The following KCNH7 variants were observed in gnomAD, a reference collection of about 807,000 sequenced individuals.
The protein encoded by KCNH7 is voltage-gated inwardly rectifying potassium channel KCNH7.
In KCNH7, 49 loss-of-function variants were observed where a neutral mutation model predicts 120.8. The ratio of observed to expected loss-of-function variants is 0.41; its 90% CI spans 0.32 to 0.51. The LOEUF is 0.51. Ranked by LOEUF, KCNH7 falls within the 20% of genes least tolerant of loss-of-function variation. KCNH7 has a pLI of 0.38. For synonymous variants in KCNH7, 547 were observed against 516.1 expected (o/e 1.06, Z -0.81); for missense variants, 1,097 against 1,446.6 (o/e 0.76, Z 3.92).
intron 2 of KCNH7, among the ~76,000 whole-genome samples, chr2:162,770,908 A>T (rs1683025517): frequency 6.6e-6 from 1 of 152,026 alleles, no homozygotes; most frequent in Non-Finnish European, 1.5e-5. Flanking sequence ...TCACTGTCAT[A>T]CTTTTGGTAA....
At chr2:162,462,320 A>G (rs1450697031) in intron 6 of KCNH7, among the ~76,000 whole-genome samples, 1 of 152,090 alleles carries the variant, frequency 6.6e-6, no homozygotes, top group African/African-American at 2.4e-5. Flanking sequence ...CTTGAACTCC[A>G]GAAGTTATTT....
intron 2 of KCNH7, among the ~76,000 whole-genome samples, chr2:162,636,035 C>G (rs1278590294): frequency 6.6e-6 from 1 of 152,048 alleles, no homozygotes; most frequent in Non-Finnish European, 1.5e-5. Context: ...ATTAGAGCTT[C>G]CTTTTTGACA....
At chr2:162,619,335 G>T (rs998604333) in intron 2 of KCNH7, among the ~76,000 whole-genome samples, 2 of 151,868 alleles carry the variant, frequency 1.3e-5, no homozygotes, top group African/African-American at 4.8e-5. Flanking sequence ...ATATTCAGTG[G>T]CCAGTCAGGG....
intron 2 of KCNH7, among the ~76,000 whole-genome samples, chr2:162,696,345 T>C (rs1285944521): frequency 6.6e-6 from 1 of 152,214 alleles, no homozygotes; most frequent in Non-Finnish European, 1.5e-5. Context: ...CTATTCTGCA[T>C]CTATTACTTG....
chr2:162,621,204 T>C (rs906120962), intron 2 of KCNH7, among the ~76,000 whole-genome samples: 3 of 135,810 alleles, frequency 2.2e-5, no homozygotes, highest in African/African-American at 9.4e-5. Context: ...TATTTTGTGA[T>C]TTTTTTTTGT....
chr2:162,638,526 T>A (rs1444266922), intron 2 of KCNH7, among the ~76,000 whole-genome samples: 1 of 152,060 alleles, frequency 6.6e-6, no homozygotes, highest in Non-Finnish European at 1.5e-5. Context: ...TCATTAACTC[T>A]GAACGGTTGA....
At chr2:162,497,113 C>T (rs1047740471) in intron 6 of KCNH7, 3 of 152,212 alleles carry the variant, frequency 2.0e-5, no homozygotes, top group Non-Finnish European at 4.4e-5. Context: ...ATTAAAATTT[C>T]TTCATTACAA....
intron 2 of KCNH7, among the ~76,000 whole-genome samples, chr2:162,678,174 C>G (rs1038584136): frequency 3.3e-5 from 5 of 151,270 alleles, no homozygotes; most frequent in African/African-American, 1.2e-4. Flanking sequence ...ATTTCTAGAT[C>G]ACATGATGGC....
At chr2:162,489,070 CATT>C (rs1216066906) in intron 6 of KCNH7, among the ~76,000 whole-genome samples, 8 of 152,036 alleles carry the variant, frequency 5.3e-5, no homozygotes, top group Admixed American at 5.2e-4. Context: ...GAATATATGT[CATT>C]ATGTGATTGT....
intron 6 of KCNH7, among the ~76,000 whole-genome samples, chr2:162,495,652 A>T (rs1690472336): frequency 6.6e-6 from 1 of 152,198 alleles, no homozygotes; most frequent in Non-Finnish European, 1.5e-5. Context: ...AAAACTTAAC[A>T]TACACTTGTG....
intron 2 of KCNH7, among the ~76,000 whole-genome samples, chr2:162,824,286 C>T (rs915755352): frequency 1.3e-5 from 2 of 152,088 alleles, no homozygotes; most frequent in Admixed American, 6.6e-5. Context: ...CACTAGGACA[C>T]CTTCTGCTTA....
chr2:162,590,813 A>T (rs1176985361), intron 2 of KCNH7, among the ~76,000 whole-genome samples: 1 of 151,954 alleles, frequency 6.6e-6, no homozygotes, highest in Non-Finnish European at 1.5e-5. Flanking sequence ...CTTTTAACCT[A>T]TTTCCACGCA....
At chr2:162,762,776 T>C (rs1689011366) in intron 2 of KCNH7, among the ~76,000 whole-genome samples, 1 of 152,050 alleles carries the variant, frequency 6.6e-6, no homozygotes, top group Admixed American at 6.6e-5. Flanking sequence ...CCTTATAAAA[T>C]TGTCATGAGA....
intron 2 of KCNH7, among the ~76,000 whole-genome samples, chr2:162,682,161 GAGCC>G (rs1023439461): frequency 2.0e-5 from 3 of 151,618 alleles, no homozygotes; most frequent in Admixed American, 6.6e-5. Context: ...CAGAATGGAA[GAGCC>G]AGACCTCCTT....
chr2:162,427,762 T>C (rs1687915335), intron 8 of KCNH7, among the ~76,000 whole-genome samples: 1 of 151,878 alleles, frequency 6.6e-6, no homozygotes, highest in African/African-American at 2.4e-5. Flanking sequence ...GTTTCAGTTT[T>C]GGTAATGTGT....
At chr2:162,756,437 A>G (rs945469889) in intron 2 of KCNH7, among the ~76,000 whole-genome samples, 2 of 151,990 alleles carry the variant, frequency 1.3e-5, no homozygotes, top group Admixed American at 1.3e-4. Flanking sequence ...TCTGAGGAAA[A>G]TTTCAACTCT....
At position 162,645,391 on chromosome 2, in the gene KCNH7, C is replaced by T. The variant is rs780090150; in HGVS notation, c.308-108311G>A. Among the ~76,000 whole-genome samples the T allele has an allele frequency of 3.9e-4, 59 of 152,248 alleles. No individual in the cohort carries two copies. The Middle Eastern group carries it at 0.01, about 26-fold the overall frequency. On this transcript the variant is annotated intron_variant, in intron 2 of 15. Coordinates refer to ENST00000332142, the MANE Select transcript of KCNH7 (RefSeq NM_033272.4). ...TCCATCTTTTGACCTTGTGATCCAC[C>T]TGCTTTGGCCTTCCAAAGTGCTGGG...
intron 2 of KCNH7, among the ~76,000 whole-genome samples, chr2:162,614,683 A>G (rs1037940535): frequency 1.3e-5 from 2 of 148,268 alleles, no homozygotes; most frequent in African/African-American, 4.9e-5. Context: ...GAATGTATAT[A>G]TATTTATATA....
intron 2 of KCNH7, among the ~76,000 whole-genome samples, chr2:162,611,978 G>C (rs540154440): frequency 6.6e-6 from 1 of 152,292 alleles, no homozygotes; most frequent in African/African-American, 2.4e-5. Context: ...GTTTGGAATA[G>C]TCCGGATCAC....
Sources: allele counts gnomAD v4.1 joint callset (sites outside exome capture counted in the v4.1 genomes callset), GRCh38; gene constraint gnomAD v4.1.1; transcripts MANE v1.5; gene names NCBI Gene and HGNC (gene_info 2026-07-23, HGNC 2026-07-21).